The following LTBP2 variants were observed in gnomAD, a reference collection of about 807,000 sequenced individuals.
LTBP2 encodes latent-transforming growth factor beta-binding protein 2.
Under a neutral mutation model 210.6 loss-of-function variants are expected in LTBP2, and 103 were observed. The observed-to-expected ratio is 0.49, with a 90% confidence interval of 0.42 to 0.58. The LOEUF is 0.58. Ranked by LOEUF, LTBP2 falls within the 20% of genes least tolerant of loss-of-function variation. The pLI is 0.00. For synonymous variants in LTBP2, 1,007 were observed against 1,015.0 expected, an observed-to-expected ratio of 0.99 and a Z score of 0.15; for missense variants, 2,313 against 2,494.5, an observed-to-expected ratio of 0.93 and a Z score of 1.55.
intron 2 of LTBP2, among the ~76,000 whole-genome samples, chr14:74,600,054 T>C (rs924194582): frequency 1.3e-5 from 2 of 151,194 alleles, no homozygotes; most frequent in Non-Finnish European, 2.9e-5. Context: ...GAGAGGGAGG[T>C]GCGGAGCCAC....
chr14:74,528,773 C>A, intron 11 of LTBP2, 75 bp from the exon 12 acceptor site: 1 of 1,565,628 alleles, frequency 6.4e-7, no homozygotes, highest in Non-Finnish European at 8.7e-7. Flanking sequence ...CTTTCCCTCC[C>A]TTTGGGAGAC....
chr14:74,611,756 C>T lies in LTBP2; in HGVS notation c.189G>A (p.Ala63=), dbSNP rs767179397. ...ACAGACTGTACACCTTGGCTGCAGC[C>T]GCTGCCGGGTAGCTGCCCCCAGGGC... is the stretch of plus-strand genomic sequence containing the variant. ...LRRPGGSYPA[A]AAAKVYSLFR... is the part of the protein sequence containing the mutation. Residue 63 remains alanine, a synonymous_variant, in exon 1 of 36, where the codon GCG becomes GCA. Transcript: ENST00000261978. The T allele has an allele frequency of 6.2e-7, 1 of 1,607,504 alleles. No individual in the cohort carries two copies. The highest frequency in any genetic ancestry group is 1.1e-5 in the South Asian group (1 of 90,868).
rs569989444 is a variant in LTBP2, at chr14:74,516,657, A to T, written c.2908+165T>A. Among the ~76,000 whole-genome samples the T allele has an allele frequency of 2.6e-5, 4 of 152,264 alleles. No individual in the cohort carries two copies. In the East Asian group the frequency reaches 7.7e-4, roughly 29 times the overall value. On this transcript the variant is annotated intron_variant, in intron 18 of 35. Transcript: ENST00000261978. ...TGCCAGAATGTCACTGAGGGGATGG[A>T]AGGGCTCAGGAATTCTCATAGGTGT...
Position 74,610,156 on chromosome 14 carries a change from T to C in LTBP2, c.494+1295A>G, listed in dbSNP as rs374058091. Among the ~76,000 whole-genome samples, 65 of 152,288 alleles carry C rather than the reference T, an allele frequency of 4.3e-4. No homozygotes were observed. The South Asian group carries it at 0.013, about 31-fold the overall frequency. ...GGACACAACGAAGTCCCTGTTTGCA[T>C]AGAGCTTGCATTAGTGTGGGCTGGG... On this transcript the variant is annotated intron_variant, in intron 1 of 35. Transcript: ENST00000261978.
chr14:74,590,497 C>T (rs527319961), intron 2 of LTBP2, among the ~76,000 whole-genome samples: 1 of 152,162 alleles, frequency 6.6e-6, no homozygotes, highest in African/African-American at 2.4e-5. Context: ...CCCAGCTACT[C>T]GGGAGGCTGA....
chr14:74,600,891 T>C (rs2088437417), intron 2 of LTBP2, among the ~76,000 whole-genome samples: 1 of 152,136 alleles, frequency 6.6e-6, no homozygotes, highest in South Asian at 2.1e-4. Flanking sequence ...GAACATAGAA[T>C]ATCCGCCCCA....
At chr14:74,569,826 G>C (rs2087951908) in intron 3 of LTBP2, among the ~76,000 whole-genome samples, 1 of 152,062 alleles carries the variant, frequency 6.6e-6, no homozygotes, top group African/African-American at 2.4e-5. Flanking sequence ...TGAGAAATTT[G>C]CGGCATGAAG....
At chr14:74,606,857 C>CA (rs981249566) in intron 1 of LTBP2, among the ~76,000 whole-genome samples, 1,813 of 143,210 alleles carry the variant, frequency 0.013, 10 homozygotes, top group Non-Finnish European at 0.015. Flanking sequence ...ACAAAACAAA[C>CA]AAAAAAAAAA....
chr14:74,531,707 G>A (rs557510694), intron 10 of LTBP2, among the ~76,000 whole-genome samples: 12 of 152,318 alleles, frequency 7.9e-5, no homozygotes, highest in Middle Eastern at 3.4e-3. Context: ...ATCCAACCTC[G>A]GCTGCTGCCT....
intron 3 of LTBP2, among the ~76,000 whole-genome samples, chr14:74,563,718 C>T (rs1214249430): frequency 6.6e-6 from 1 of 151,906 alleles, no homozygotes; most frequent in Non-Finnish European, 1.5e-5. Flanking sequence ...AACACAGCTG[C>T]CCTCCTCATC....
chr14:74,503,164 C>T, intron 33 of LTBP2, 55 bp downstream of exon 33: 1 of 1,602,990 alleles, frequency 6.2e-7, no homozygotes, highest in Non-Finnish European at 8.5e-7. Context: ...TGAGGGCATC[C>T]CCCTCCCTGG....
chr14:74,536,603 T>C (rs1595260598), intron 8 of LTBP2, among the ~76,000 whole-genome samples: 1 of 152,242 alleles, frequency 6.6e-6, no homozygotes, highest in Admixed American at 6.5e-5. Flanking sequence ...CCCAGTGCTT[T>C]GGGAGGCCAA....
intron 8 of LTBP2, among the ~76,000 whole-genome samples, chr14:74,546,903 C>T (rs1018561560): frequency 6.6e-6 from 1 of 152,254 alleles, no homozygotes; most frequent in African/African-American, 2.4e-5. Context: ...CCTTTTTCTC[C>T]TGCTCCCCAC....
chr14:74,509,499 AGCCCT>A (rs767789466), intron 21 of LTBP2, 136 bp from the exon 22 acceptor site: 53 of 1,325,626 alleles, frequency 4.0e-5, no homozygotes, highest in Non-Finnish European at 5.6e-5. Flanking sequence ...CTCCCAGGAC[AGCCCT>A]GCCCTCAGCT....
At chr14:74,541,763 G>GA (rs200764735) in intron 8 of LTBP2, among the ~76,000 whole-genome samples, 205 of 139,732 alleles carry the variant, frequency 1.5e-3, no homozygotes, top group African/African-American at 4.2e-3. Context: ...GAGGGAATAA[G>GA]AAAAAAAAAA....
chr14:74,509,948 G>A lies in LTBP2; in HGVS notation c.3152-89C>T. On this transcript the variant is annotated intron_variant, in intron 20 of 35. Transcript: ENST00000261978. ...GTAGGCAGGGGTGGGGGAAGGACAGGTCTGGGCAGGGATGTGTTGGGTCAG... is the reference window on the plus strand; with the variant it reads ...GTAGGCAGGGGTGGGGGAAGGACAGATCTGGGCAGGGATGTGTTGGGTCAG... 2.5e-6 allele frequency: 4 copies of A among 1,610,608 alleles called. No individual in the cohort carries two copies. The South Asian group carries it at 4.4e-5, about 18-fold the overall frequency.
rs931447857 is a variant in LTBP2 at position 74,545,700 on chromosome 14, G to C, written c.1789+4163C>G. On this transcript the variant is annotated intron_variant, in intron 8 of 35. Transcript: ENST00000261978. ...TCTCAGATGAAAACTCAAAAATGTG[G>C]CCTCAATCAAAGTGGCTTTTGAGAA... 4.6e-5 allele frequency among the ~76,000 whole-genome samples: 7 copies of C among 152,344 alleles called. No homozygotes were observed. The East Asian group carries it at 1.2e-3, about 25-fold the overall frequency.
At chr14:74,515,558 A>G (rs1183472913) in intron 18 of LTBP2, among the ~76,000 whole-genome samples, 1 of 152,044 alleles carries the variant, frequency 6.6e-6, no homozygotes, top group African/African-American at 2.4e-5. Flanking sequence ...CGCCCAGCCT[A>G]AACCTGATGT....
intron 2 of LTBP2, among the ~76,000 whole-genome samples, chr14:74,591,077 C>T (rs563926642): frequency 6.6e-6 from 1 of 152,306 alleles, no homozygotes; most frequent in South Asian, 2.1e-4. Flanking sequence ...CTACGGCACA[C>T]CACGACTCAC....
Sources: gnomAD v4.1 joint callset for allele counts (sites outside exome capture counted in the v4.1 genomes callset) on GRCh38, gnomAD v4.1.1 for gene constraint, MANE v1.5 for transcripts, NCBI Gene and HGNC (gene_info 2026-07-23, HGNC 2026-07-21) for gene names.